SCNN1B: variants seen among roughly 807,000 people sequenced by gnomAD.
SCNN1B encodes epithelial sodium channel subunit beta.
In SCNN1B, 46 loss-of-function variants were observed where a neutral mutation model predicts 65.3. That is an observed-to-expected ratio of 0.70 (90% confidence interval 0.56 to 0.90). The LOEUF is 0.90. Ranked by LOEUF, SCNN1B falls within the 40% of genes least tolerant of loss-of-function variation. SCNN1B has a pLI of 0.00. For synonymous variants in SCNN1B, 349 were observed against 330.6 expected (o/e 1.06, Z -0.60); for missense variants, 751 against 830.5 (o/e 0.90, Z 1.18).
chr16:23,306,424 C>A (rs1323610466), intron 1 of SCNN1B, among the ~76,000 whole-genome samples: 1 of 152,086 alleles, frequency 6.6e-6, no homozygotes, highest in Non-Finnish European at 1.5e-5. Flanking sequence ...ACTGTCTAAC[C>A]ATTGCTGATG....
At position 23,348,794 on chromosome 16, in the gene SCNN1B, G is replaced by A. The variant is rs779324557; in HGVS notation, c.195G>A (p.Trp65Ter). Residue 65 changes from tryptophan (W) to a stop codon, truncating the protein, a stop_gained, in exon 2 of 13, where the codon TGG (tryptophan) becomes TGA (stop). Coordinates refer to ENST00000343070, the MANE Select transcript of SCNN1B (RefSeq NM_000336.3). LOFTEE classifies it high-confidence loss of function. This position sits in a 1 kb window ranked among gnomAD's most constrained non-coding sequence, Gnocchi z 4.5. Reference sequence around the variant, plus strand: ...TGCTCTTCGCCGCCCTCGTCTGCTGGCAGTGGGGCATCTTCATCAGGACCT... The same window carrying A: ...TGCTCTTCGCCGCCCTCGTCTGCTGACAGTGGGGCATCTTCATCAGGACCT... ...LTLLFAALVC[W>*]QWGIFIRTYL... 32 of 1,614,140 alleles carry A rather than the reference G, an allele frequency of 2.0e-5. No homozygotes were observed. The highest frequency in any genetic ancestry group is 2.6e-5 in the Non-Finnish European group (31 of 1,180,040).
chr16:23,297,939 C>A (rs905655724), upstream of SCNN1B, among the ~76,000 whole-genome samples: 2 of 152,152 alleles, frequency 1.3e-5, no homozygotes, highest in African/African-American at 4.8e-5. Context: ...AAAGAATATT[C>A]ACCTTGTCTT....
Position 23,380,444 on chromosome 16 carries a change from G to C in SCNN1B, c.1566G>C (p.Leu522=), listed in dbSNP as rs1010272808. 4.3e-6 allele frequency: 7 copies of C among 1,614,096 alleles called. No individual in the cohort carries two copies. The African/African-American group carries it at 9.3e-5, about 22-fold the overall frequency. ...AGATCGTCTGGCTGCTCTCGAATCT[G>C]GGTGGCCAGTTTGGCTTCTGGATGG... is the stretch of plus-strand genomic sequence containing the variant. ...ANNIVWLLSN[L]GGQFGFWMGG... Residue 522 remains leucine (L), a synonymous_variant, in exon 13 of 13, where the codon CTG becomes CTC. Coordinates refer to ENST00000343070, the MANE Select transcript of SCNN1B (RefSeq NM_000336.3). This position sits in a 1 kb window ranked among gnomAD's most constrained non-coding sequence, Gnocchi z 5.4.
chr16:23,300,322 C>A (rs1049561762), upstream of SCNN1B, among the ~76,000 whole-genome samples: 3 of 151,658 alleles, frequency 2.0e-5, no homozygotes, highest in African/African-American at 7.3e-5. Flanking sequence ...CACATGTATC[C>A]CAGAACTTAA....
intron 6 of SCNN1B, 84 bp from the exon 7 acceptor site, chr16:23,371,692 C>T (rs1192812453): frequency 1.6e-6 from 2 of 1,232,456 alleles, no homozygotes; most frequent in Non-Finnish European, 2.4e-6. Flanking sequence ...AGCCCTCTGT[C>T]CCCAAATGCT....
chr16:23,379,515 T>C (rs1962991996), intron 11 of SCNN1B, among the ~76,000 whole-genome samples: 1 of 151,960 alleles, frequency 6.6e-6, no homozygotes, highest in South Asian at 2.1e-4. Context: ...GGTACCAATG[T>C]CCAGGCAGAA....
Position 23,355,481 on chromosome 16 carries a change from C to T in SCNN1B, c.768C>T (p.Cys256=), listed in dbSNP as rs745948818. 7 of 1,613,948 alleles carry T rather than the reference C, an allele frequency of 4.3e-6. No homozygotes were observed. Among genetic ancestry groups the T allele is most frequent in the Non-Finnish European group, 5.9e-6 (7 of 1,180,022 alleles). Residue 256 remains cysteine (C), a synonymous_variant, in exon 4 of 13, where the codon TGC becomes TGT. Transcript: ENST00000343070. The part of the protein sequence containing the change: ...ILACLFGAEP[C]NYRNFTSIFY... ...CCTGCCTATTCGGAGCTGAGCCCTG[C>T]AACTACCGGTGAGAGCCACCCCAAG... is the stretch of plus-strand genomic sequence containing the variant.
chr16:23,292,257 G>A (rs968650531), intron 2 of SCNN1B, among the ~76,000 whole-genome samples: 14 of 149,420 alleles, frequency 9.4e-5, no homozygotes, highest in African/African-American at 3.0e-4. Flanking sequence ...GCAGTGGCAC[G>A]ATCTTGGCTC....
intron 1 of SCNN1B, among the ~76,000 whole-genome samples, chr16:23,337,652 A>G (rs557697273): frequency 4.0e-5 from 6 of 151,556 alleles, no homozygotes; most frequent in Non-Finnish European, 8.8e-5. Context: ...TGCTGTGATT[A>G]CAGGCTTGAG....
upstream of SCNN1B, among the ~76,000 whole-genome samples, chr16:23,300,929 G>A (rs1019194834): frequency 2.1e-4 from 32 of 152,030 alleles, no homozygotes; most frequent in African/African-American, 7.5e-4. Flanking sequence ...TTAGGTATCA[G>A]TTTTAGTTTC....
chr16:23,287,938 T>C (rs1247035771), intron 2 of SCNN1B, among the ~76,000 whole-genome samples: 1 of 149,916 alleles, frequency 6.7e-6, no homozygotes, highest in African/African-American at 2.5e-5. Flanking sequence ...GCTGATTGCT[T>C]GAGCCCAGGA....
At chr16:23,278,848 G>C (rs566401491) in intron 1 of SCNN1B, among the ~76,000 whole-genome samples, 1 of 152,106 alleles carries the variant, frequency 6.6e-6, no homozygotes, top group East Asian at 1.9e-4. Flanking sequence ...GCTGAAGTGG[G>C]AGGATCACTT....
chr16:23,353,119 T>C (rs1229941913), intron 3 of SCNN1B, 45 bp downstream of exon 3: 2 of 1,596,086 alleles, frequency 1.3e-6, no homozygotes, highest in Non-Finnish European at 1.7e-6. Flanking sequence ...CCCCACCCAG[T>C]GAGGCTGATG....
At chr16:23,281,067 G>A (rs950160623) in intron 1 of SCNN1B, among the ~76,000 whole-genome samples, 1 of 152,192 alleles carries the variant, frequency 6.6e-6, no homozygotes, top group Non-Finnish European at 1.5e-5. Context: ...TTCTGTACAA[G>A]CCCTGAGACC....
chr16:23,362,782 T>G (rs928069926), intron 4 of SCNN1B, among the ~76,000 whole-genome samples: 1 of 152,248 alleles, frequency 6.6e-6, no homozygotes, highest in African/African-American at 2.4e-5. Flanking sequence ...GACAGTTCCT[T>G]GGGAACACTG....
At chr16:23,340,789 A>G (rs1199681181) in intron 1 of SCNN1B, among the ~76,000 whole-genome samples, 1 of 152,216 alleles carries the variant, frequency 6.6e-6, no homozygotes, top group Non-Finnish European at 1.5e-5. Flanking sequence ...CATTACATCA[A>G]TACCACACTG....
chr16:23,355,266 G>A (rs530497371), intron 3 of SCNN1B, 33 bp from the exon 4 acceptor site: 33 of 1,611,042 alleles, frequency 2.0e-5, no homozygotes, highest in South Asian at 5.5e-5. Context: ...CAGCTCCCAC[G>A]CCACCCACAA....
In SCNN1B at chr16:23,351,648, C is replaced by T. The variant is rs112330181; in HGVS notation, c.312-1153C>T. ...TCCAGCCAGAGTTGGCATTTGTGGCCTCAATTACCCCACTTTGAGGCAGGG... is the reference window on the plus strand; with the variant it reads ...TCCAGCCAGAGTTGGCATTTGTGGCTTCAATTACCCCACTTTGAGGCAGGG... On this transcript the variant is annotated intron_variant, in intron 2 of 12. Coordinates refer to ENST00000343070, the MANE Select transcript of SCNN1B (RefSeq NM_000336.3). Among the ~76,000 whole-genome samples the T allele has an allele frequency of 4.7e-3, 720 of 152,318 alleles. 5 individuals are homozygous for T. Among genetic ancestry groups the T allele is most frequent in the African/African-American group, 0.016 (674 of 41,572 alleles).
At chr16:23,325,467 A>C (rs1251437813) in intron 1 of SCNN1B, among the ~76,000 whole-genome samples, 1 of 150,640 alleles carries the variant, frequency 6.6e-6, no homozygotes, top group Non-Finnish European at 1.5e-5. Context: ...GGATTTCACC[A>C]TGTTGGCCAG....
Sources: allele counts gnomAD v4.1 joint callset (sites outside exome capture counted in the v4.1 genomes callset), GRCh38; gene constraint gnomAD v4.1.1; non-coding constraint Gnocchi (gnomAD v3.1); transcripts MANE v1.5; gene names NCBI Gene and HGNC (gene_info 2026-07-23, HGNC 2026-07-21).